Variants in IGFBP7 observed in about 807,000 individuals in gnomAD.
IGFBP7 encodes insulin-like growth factor-binding protein 7.
A neutral mutation model predicts 29.4 loss-of-function variants in IGFBP7; 31 were observed. The observed-to-expected ratio is 1.05, with a 90% CI of 0.79 to 1.42. IGFBP7 has a LOEUF of 1.42. Ranked by LOEUF, IGFBP7 falls within the 40% of genes most tolerant of loss-of-function variation. IGFBP7 has a pLI of 0.00. For synonymous variants in IGFBP7, 172 were observed against 174.9 expected (o/e 0.98, Z 0.13); for missense variants, 393 against 395.5 (o/e 0.99, Z 0.05).
chr4:57,060,272 G>A lies in IGFBP7; in HGVS notation c.476-19339C>T, dbSNP rs138795133. Among the ~76,000 whole-genome samples the A allele has an allele frequency of 1.9e-3, 293 of 152,264 alleles. 1 individual carries two copies. Among genetic ancestry groups the A allele is most frequent in the African/African-American group, 6.7e-3 (280 of 41,536 alleles). ...AGATGCAGACAGACTGGGAAAGGAG[G>A]GAGTTTATTTTTGCAACCAGTTACA... On this transcript the variant is annotated intron_variant, in intron 1 of 4. Coordinates refer to ENST00000295666, the MANE Select transcript of IGFBP7 (RefSeq NM_001553.3).
At chr4:57,105,091 T>C (rs1413828007) in intron 1 of IGFBP7, among the ~76,000 whole-genome samples, 2 of 152,152 alleles carry the variant, frequency 1.3e-5, no homozygotes, top group South Asian at 2.1e-4. Context: ...TTTGTGGCAG[T>C]TGGGGAAGGT....
intron 1 of IGFBP7, among the ~76,000 whole-genome samples, chr4:57,066,404 C>T (rs1307306385): frequency 6.6e-6 from 1 of 152,172 alleles, no homozygotes; most frequent in African/African-American, 2.4e-5. Context: ...TGACTGCAGC[C>T]TCAGGGGACA....
rs188536952 is a variant in IGFBP7 at position 57,034,290 on chromosome 4, A to T, written c.586-979T>A. On this transcript the variant is annotated intron_variant, in intron 2 of 4. Coordinates refer to ENST00000295666, the MANE Select transcript of IGFBP7 (RefSeq NM_001553.3). ...AAATTCACTTGTAGCTCCTCGATAC[A>T]TATACATTTAGCAGCTGAGTTACAG... is the stretch of plus-strand genomic sequence containing the variant. Among the ~76,000 whole-genome samples, 210 of 152,184 alleles carry T rather than the reference A, an allele frequency of 1.4e-3. 1 individual carries two copies. Among genetic ancestry groups the T allele is most frequent in the African/African-American group, 4.9e-3 (203 of 41,548 alleles).
intron 1 of IGFBP7, among the ~76,000 whole-genome samples, chr4:57,106,642 A>G (rs958856289): frequency 5.3e-5 from 8 of 152,194 alleles, no homozygotes; most frequent in African/African-American, 1.4e-4. Flanking sequence ...TAAGAATGAC[A>G]TTCTGATTCC....
chr4:57,079,062 G>A (rs536387732), intron 1 of IGFBP7, among the ~76,000 whole-genome samples: 4 of 152,288 alleles, frequency 2.6e-5, no homozygotes, highest in African/African-American at 7.2e-5. Context: ...CATTTAGGGT[G>A]AGAAAAATGA....
intron 2 of IGFBP7, among the ~76,000 whole-genome samples, chr4:57,037,556 T>A (rs903325454): frequency 1.3e-5 from 2 of 151,906 alleles, no homozygotes; most frequent in African/African-American, 4.8e-5. Context: ...TGCCTTGGTG[T>A]TTCTGACTAG....
chr4:57,073,534 G>A (rs376965449), intron 1 of IGFBP7, among the ~76,000 whole-genome samples: 15 of 151,796 alleles, frequency 9.9e-5, no homozygotes, highest in African/African-American at 3.6e-4. Context: ...AGTTGAGGTT[G>A]AAATAAGCTG....
chr4:57,098,579 A>G (rs1157426780), intron 1 of IGFBP7, among the ~76,000 whole-genome samples: 2 of 152,168 alleles, frequency 1.3e-5, no homozygotes, highest in Non-Finnish European at 2.9e-5. Flanking sequence ...GACACAACAG[A>G]GCAGAGAGGG....
At chr4:57,059,030 C>T (rs1724736230) in intron 1 of IGFBP7, among the ~76,000 whole-genome samples, 1 of 152,120 alleles carries the variant, frequency 6.6e-6, no homozygotes, top group Non-Finnish European at 1.5e-5. Flanking sequence ...AAATGCAGAT[C>T]AAAACCACAA....
At chr4:57,107,061 A>G (rs974010845) in intron 1 of IGFBP7, among the ~76,000 whole-genome samples, 3 of 152,176 alleles carry the variant, frequency 2.0e-5, no homozygotes, top group Non-Finnish European at 2.9e-5. Flanking sequence ...CCAGTTGGGT[A>G]AGTGGTGATC....
chr4:57,080,259 CT>C (rs1343647896), intron 1 of IGFBP7, among the ~76,000 whole-genome samples: 1 of 152,176 alleles, frequency 6.6e-6, no homozygotes, highest in Non-Finnish European at 1.5e-5. Flanking sequence ...CAAGAAATGT[CT>C]AAAACTGAGT....
At chr4:57,080,024 A>C (rs1725325542) in intron 1 of IGFBP7, among the ~76,000 whole-genome samples, 1 of 152,208 alleles carries the variant, frequency 6.6e-6, no homozygotes, top group Admixed American at 6.5e-5. Flanking sequence ...GCCAGGATTC[A>C]GGGTAGGTTT....
At chr4:57,085,799 T>A (rs749895375) in intron 1 of IGFBP7, among the ~76,000 whole-genome samples, 5 of 152,240 alleles carry the variant, frequency 3.3e-5, no homozygotes, top group Non-Finnish European at 4.4e-5. Flanking sequence ...CAGAACTCCA[T>A]TTTGTGTTGT....
intron 1 of IGFBP7, chr4:57,072,899 T>G: frequency 1.4e-6 from 1 of 697,752 alleles, no homozygotes; most frequent in Non-Finnish European, 2.7e-6. Flanking sequence ...CACGCCCTGC[T>G]ACCACCCCAA....
Position 57,034,253 on chromosome 4 carries a change from T to C in IGFBP7, c.586-942A>G, listed in dbSNP as rs1435661900. Among the ~76,000 whole-genome samples, 6 of 152,234 alleles carry C rather than the reference T, an allele frequency of 3.9e-5. No homozygotes were observed. In the East Asian group the frequency reaches 9.7e-4, roughly 24 times the overall value. On this transcript the variant is annotated intron_variant, in intron 2 of 4. Transcript: ENST00000295666. Reference sequence around the variant, plus strand: ...TTTATTATATAAACTCTGGAAAATATACAAAAGAATGAAATTCACTTGTAG... The same window carrying C: ...TTTATTATATAAACTCTGGAAAATACACAAAAGAATGAAATTCACTTGTAG...
At chr4:57,072,643 C>T in intron 1 of IGFBP7, 2 of 111,042 alleles carry the variant, frequency 1.8e-5, no homozygotes, top group South Asian at 8.1e-5. Flanking sequence ...AGCGTTGCTG[C>T]TGCCTAGCCA....
chr4:57,109,824 C>T, intron 1 of IGFBP7, 53 bp downstream of exon 1: 1 of 1,504,250 alleles, frequency 6.6e-7, no homozygotes, highest in South Asian at 1.3e-5. Flanking sequence ...GTCGGATGTG[C>T]CCTTCGCTGG....
At chr4:57,047,425 A>G (rs1244735369) in intron 1 of IGFBP7, among the ~76,000 whole-genome samples, 1 of 152,190 alleles carries the variant, frequency 6.6e-6, no homozygotes, top group Non-Finnish European at 1.5e-5. Context: ...TATTAGCAGC[A>G]TAAGAACAGT....
At chr4:57,038,497 G>C (rs11133473) in intron 2 of IGFBP7, among the ~76,000 whole-genome samples, 8,070 of 152,008 alleles carry the variant, frequency 0.053, 296 homozygotes, top group East Asian at 0.16. Flanking sequence ...TGGGCTGGTA[G>C]AACTTGCAAC....
Sources: gnomAD v4.1 joint callset for allele counts (sites outside exome capture counted in the v4.1 genomes callset) on GRCh38, gnomAD v4.1.1 for gene constraint, MANE v1.5 for transcripts, NCBI Gene and HGNC (gene_info 2026-07-23, HGNC 2026-07-21) for gene names.